The following ZNF420 variants were observed in gnomAD, a reference collection of about 807,000 sequenced individuals.
ZNF420 encodes zinc finger protein 420, also known as ATM and p53-associated KZNF protein.
ZNF420 carries 31 observed loss-of-function variants against 44.7 expected under a neutral mutation model. The observed-to-expected ratio is 0.69, with a 90% CI of 0.52 to 0.94. The LOEUF (loss-of-function observed/expected upper bound fraction) is 0.94. Ranked by LOEUF, ZNF420 falls within the 40% of genes least tolerant of loss-of-function variation. The pLI is 0.00. For synonymous variants in ZNF420, 245 were observed against 267.4 expected, an observed-to-expected ratio of 0.92 and a Z score of 0.82; for missense variants, 681 against 827.9, an observed-to-expected ratio of 0.82 and a Z score of 2.18.
At chr19:37,115,471 G>A (rs1970623993) in intron 4 of ZNF420, among the ~76,000 whole-genome samples, 2 of 151,810 alleles carry the variant, frequency 1.3e-5, no homozygotes, top group African/African-American at 4.8e-5. Flanking sequence ...GTGAACAGAG[G>A]TCTTTGTGTC....
chr19:37,098,832 C>A (rs1485347861), intron 4 of ZNF420, among the ~76,000 whole-genome samples: 1 of 152,174 alleles, frequency 6.6e-6, no homozygotes, highest in African/African-American at 2.4e-5. Flanking sequence ...ATAGACCAAT[C>A]TCTTCCCAGC....
chr19:37,098,270 T>C (rs942665103), intron 4 of ZNF420, among the ~76,000 whole-genome samples: 1 of 152,152 alleles, frequency 6.6e-6, no homozygotes, highest in African/African-American at 2.4e-5. Context: ...CTTTAATGTT[T>C]GGATAATATT....
At chr19:37,036,193 C>CA (rs1213330120) in intron 1 of ZNF420, among the ~76,000 whole-genome samples, 1 of 152,138 alleles carries the variant, frequency 6.6e-6, no homozygotes, top group Non-Finnish European at 1.5e-5. Context: ...CGATCGTTAA[C>CA]AATAACTTAC....
intron 1 of ZNF420, among the ~76,000 whole-genome samples, chr19:37,058,095 C>A (rs375371864): frequency 1.2e-3 from 184 of 152,236 alleles, no homozygotes; most frequent in African/African-American, 4.3e-3. Flanking sequence ...TCTGAGGGGC[C>A]TAGATGCTTC....
At chr19:37,090,891 G>A in intron 3 of ZNF420, 104 bp from the exon 4 acceptor site, 2 of 1,270,406 alleles carry the variant, frequency 1.6e-6, no homozygotes, top group Non-Finnish European at 2.1e-6. Flanking sequence ...CTGCACTCCA[G>A]CCTGAGCGAC....
chr19:37,046,591 G>A (rs1006318979), intron 1 of ZNF420, among the ~76,000 whole-genome samples: 9 of 152,144 alleles, frequency 5.9e-5, no homozygotes, highest in Admixed American at 6.6e-5. Context: ...AGTAGTTACC[G>A]CTGGGGCTGA....
At chr19:37,038,806 G>A (rs1177171122) in intron 1 of ZNF420, among the ~76,000 whole-genome samples, 1 of 151,918 alleles carries the variant, frequency 6.6e-6, no homozygotes, top group African/African-American at 2.4e-5. Flanking sequence ...TACAACACAT[G>A]GAGAAGCCCC....
At chr19:37,117,011 G>A (rs1427099608) in intron 4 of ZNF420, among the ~76,000 whole-genome samples, 5 of 152,204 alleles carry the variant, frequency 3.3e-5, no homozygotes, top group Non-Finnish European at 5.9e-5. Flanking sequence ...TGCCTCTATA[G>A]GCTCCACCTC....
chr19:37,017,562 C>T (rs2074617030), intron 1 of ZNF420, among the ~76,000 whole-genome samples: 1 of 152,086 alleles, frequency 6.6e-6, no homozygotes, highest in Non-Finnish European at 1.5e-5. Context: ...GAAGGAAAAA[C>T]CCCACTTGAT....
At chr19:37,121,880 C>T (rs886515796) in intron 4 of ZNF420, among the ~76,000 whole-genome samples, 6 of 152,214 alleles carry the variant, frequency 3.9e-5, no homozygotes, top group African/African-American at 1.4e-4. Flanking sequence ...CTCATCATCA[C>T]TGGCCATCAG....
At chr19:37,066,545 G>C (rs113683460) in intron 1 of ZNF420, among the ~76,000 whole-genome samples, 167 of 152,172 alleles carry the variant, frequency 1.1e-3, no homozygotes, top group African/African-American at 3.6e-3. Flanking sequence ...TTGCCAATAA[G>C]TACATAAAAA....
chr19:37,098,894 C>G (rs2146585553), intron 4 of ZNF420, among the ~76,000 whole-genome samples: 1 of 152,276 alleles, frequency 6.6e-6, no homozygotes, highest in South Asian at 2.1e-4. Flanking sequence ...TATATGAGAT[C>G]AACTTTTTTA....
At chr19:37,122,478 C>T (rs1398455610) in intron 4 of ZNF420, among the ~76,000 whole-genome samples, 10 of 75,860 alleles carry the variant, frequency 1.3e-4, no homozygotes, top group South Asian at 4.5e-4. Flanking sequence ...TGGGGGGAGG[C>T]GGGAGGGATA....
intron 4 of ZNF420, among the ~76,000 whole-genome samples, chr19:37,097,295 A>G (rs1017843985): frequency 1.4e-5 from 2 of 144,814 alleles, no homozygotes; most frequent in African/African-American, 5.4e-5. Context: ...ATACTGATAT[A>G]TATTATATAT....
At chr19:37,041,761 C>G (rs1034981907) in intron 1 of ZNF420, among the ~76,000 whole-genome samples, 1 of 152,160 alleles carries the variant, frequency 6.6e-6, no homozygotes, top group Non-Finnish European at 1.5e-5. Context: ...TTCATTCATG[C>G]TCATTATTTT....
chr19:37,087,720 G>A (rs1180582014), intron 2 of ZNF420, among the ~76,000 whole-genome samples: 5 of 151,956 alleles, frequency 3.3e-5, no homozygotes, highest in African/African-American at 4.8e-5. Flanking sequence ...ATCTCGGCTC[G>A]CTGCAAGCTC....
chr19:37,127,037 CTG>C, intron 4 of ZNF420, 89 bp from the exon 5 acceptor site: 6 of 1,108,918 alleles, frequency 5.4e-6, no homozygotes, highest in African/African-American at 1.6e-5. Context: ...TCATGTATGT[CTG>C]TTATTTCTTA....
At chr19:37,096,035 C>T (rs779570139) in intron 4 of ZNF420, 1 of 152,206 alleles carries the variant, frequency 6.6e-6, no homozygotes, top group Non-Finnish European at 1.5e-5. Flanking sequence ...TCTCAGCACT[C>T]TGAAGATATT....
At chr19:37,054,342 C>G (rs1016549538) in intron 1 of ZNF420, among the ~76,000 whole-genome samples, 2 of 152,214 alleles carry the variant, frequency 1.3e-5, no homozygotes, top group African/African-American at 2.4e-5. Context: ...TCAGCTCATG[C>G]TGGGTGTGCT....
Sources: gnomAD v4.1 joint callset for allele counts (sites outside exome capture counted in the v4.1 genomes callset) on GRCh38, gnomAD v4.1.1 for gene constraint, MANE v1.5 for transcripts, NCBI Gene and HGNC (gene_info 2026-07-23, HGNC 2026-07-21) for gene names.